DAAM2: variants seen among roughly 807,000 people sequenced by gnomAD.
DAAM2 encodes the protein dishevelled associated activator of morphogenesis 2, also known as disheveled-associated activator of morphogenesis 2.
In DAAM2, 39 loss-of-function variants were observed where a neutral mutation model predicts 120.7. The ratio of observed to expected loss-of-function variants is 0.32; its 90% confidence interval spans 0.25 to 0.42. The LOEUF (loss-of-function observed/expected upper bound fraction) is 0.42, where lower values mean the gene tolerates loss of function less well. Among genes scored for constraint, DAAM2 ranks in the 10% least tolerant of loss-of-function variants. DAAM2 has a pLI of 1.00. For synonymous variants in DAAM2, 488 were observed against 524.9 expected (o/e 0.93, Z 0.96); for missense variants, 1,283 against 1,401.7 (o/e 0.92, Z 1.35).
chr6:39,828,787 T>C (rs1308535583), intron 1 of DAAM2, among the ~76,000 whole-genome samples: 1 of 151,984 alleles, frequency 6.6e-6, no homozygotes, highest in Non-Finnish European at 1.5e-5. Flanking sequence ...GGTGTTGATC[T>C]CCTGACCTTG....
At chr6:39,887,614 T>A in intron 16 of DAAM2, 22 bp downstream of exon 16, 1 of 1,544,964 alleles carries the variant, frequency 6.5e-7, no homozygotes, top group South Asian at 1.1e-5. Context: ...AGAAGGTGGT[T>A]GAGTTGGATG....
chr6:39,898,089 C>A (rs1006009015), intron 21 of DAAM2, among the ~76,000 whole-genome samples: 10 of 152,146 alleles, frequency 6.6e-5, no homozygotes, highest in African/African-American at 2.2e-4. Context: ...GGGAAGTGAG[C>A]CAGAGATAGA....
At chr6:39,848,866 G>A (rs970146978) in intron 1 of DAAM2, 6 of 152,268 alleles carry the variant, frequency 3.9e-5, no homozygotes, top group Admixed American at 1.3e-4. Context: ...CATACCTAGC[G>A]TCCTTCTGAG....
intron 2 of DAAM2, among the ~76,000 whole-genome samples, chr6:39,859,604 C>A (rs1764132541): frequency 6.6e-6 from 1 of 152,046 alleles, no homozygotes; most frequent in African/African-American, 2.4e-5. Context: ...AAAATGCACA[C>A]CAGATTTTGA....
At chr6:39,851,668 AG>A (rs1352313663) in intron 1 of DAAM2, among the ~76,000 whole-genome samples, 1 of 152,212 alleles carries the variant, frequency 6.6e-6, no homozygotes, top group African/African-American at 2.4e-5. Context: ...CTCAAGTGGT[AG>A]GAAGTCCTTC....
chr6:39,827,744 T>C (rs1762727299), intron 1 of DAAM2, among the ~76,000 whole-genome samples: 1 of 152,188 alleles, frequency 6.6e-6, no homozygotes. Flanking sequence ...ATGAACTCTC[T>C]TAATGGACCA....
In DAAM2 at chr6:39,901,614, G is replaced by A. The variant is rs184851760; in HGVS notation, c.2982+142G>A. On this transcript the variant is annotated intron_variant, in intron 24 of 24. Coordinates refer to ENST00000274867, the MANE Select transcript of DAAM2 (RefSeq NM_001201427.2). This position sits in a 1 kb window ranked among gnomAD's most constrained non-coding sequence, Gnocchi z 4.5. Reference sequence around the variant, plus strand: ...GGGGTTGGATGTCAGCCCCAGGAGAGAGAAACTTCTTCCCAGCCTGAGGGA... The same window carrying A: ...GGGGTTGGATGTCAGCCCCAGGAGAAAGAAACTTCTTCCCAGCCTGAGGGA... 2 of 1,089,580 alleles carry A rather than the reference G, an allele frequency of 1.8e-6. No homozygotes were observed. The highest frequency in any genetic ancestry group is 1.6e-5 in the South Asian group (1 of 61,122). 67.5% of individuals were successfully genotyped at this position (1,089,580 alleles called of 1,614,324 possible). A position where few individuals can be genotyped will look rare whatever the true frequency, so the allele number is the denominator to read the frequency against.
intron 16 of DAAM2, 153 bp downstream of exon 16, chr6:39,887,745 C>A (rs867837062): frequency 1.7e-6 from 1 of 594,654 alleles, no homozygotes; most frequent in Non-Finnish European, 3.0e-6. Context: ...CTGCCTTGAG[C>A]AGCAGTTTGG....
chr6:39,903,387 C>A lies in DAAM2; in HGVS notation c.*1350C>A, dbSNP rs993713882. ...TACCCAATTTGGTTCTTCAGCCCAACTTGCAAGGGGTTCCTTCTGGTCCTC... is the reference window on the plus strand; with the variant it reads ...TACCCAATTTGGTTCTTCAGCCCAAATTGCAAGGGGTTCCTTCTGGTCCTC... On this transcript the variant is annotated 3_prime_UTR_variant, in exon 25 of 25. Coordinates refer to ENST00000274867, the MANE Select transcript of DAAM2 (RefSeq NM_001201427.2). 6.6e-6 allele frequency: 1 copy of A among 152,308 alleles called. No homozygotes were observed. Among genetic ancestry groups the A allele is most frequent in the Non-Finnish European group, 1.5e-5 (1 of 68,070 alleles). The allele number at this position is 152,308 out of a possible 1,614,324, so 9.4% of individuals were successfully genotyped here.
intron 21 of DAAM2, 106 bp downstream of exon 21, chr6:39,897,388 C>A (rs2149373558): frequency 1.4e-6 from 1 of 711,954 alleles, no homozygotes; most frequent in Non-Finnish European, 2.4e-6. Context: ...TGGTGTGAGA[C>A]CTCGGTTCTT....
rs141347567 is a variant in DAAM2, at chr6:39,800,743, G to A, written c.-57+8278G>A. ...GCTGTGACTACCTGGCCCCTCTGCC[G>A]CAATGTGGGACAATTCTAACGGGCG... On this transcript the variant is annotated intron_variant, in intron 1 of 24. Coordinates refer to ENST00000274867, the MANE Select transcript of DAAM2 (RefSeq NM_001201427.2). Among the ~76,000 whole-genome samples the A allele has an allele frequency of 2.6e-3, 393 of 152,328 alleles. 3 individuals are homozygous for A. The highest frequency in any genetic ancestry group is 9.1e-3 in the African/African-American group (380 of 41,574).
At chr6:39,864,637 C>T (rs1210784164) in intron 4 of DAAM2, 130 bp downstream of exon 4, 1 of 716,980 alleles carries the variant, frequency 1.4e-6, no homozygotes, top group Non-Finnish European at 2.3e-6. Flanking sequence ...TGCCCACTCA[C>T]TGGAGTTCAG....
In DAAM2 at chr6:39,870,406, G is replaced by GAC. The variant is rs1178432494; in HGVS notation, c.942_943dup (p.Lys315ThrfsTer15). The GAC allele has an allele frequency of 6.3e-7, 1 of 1,585,836 alleles. No homozygotes were observed. The highest frequency in any genetic ancestry group is 8.6e-7 in the Non-Finnish European group (1 of 1,164,868). On this transcript the variant is annotated frameshift_variant, in exon 8 of 25. Coordinates refer to ENST00000274867, the MANE Select transcript of DAAM2 (RefSeq NM_001201427.2). LOFTEE classifies it high-confidence loss of function. Reference sequence around the variant, plus strand: ...GATGCTGGGTATACAGCCTGTGATTGACAAGCTCCGGCAACATGAAAATGC... The same window carrying GAC: ...GATGCTGGGTATACAGCCTGTGATTGACACAAGCTCCGGCAACATGAAAATGC...
At chr6:39,811,373 T>G (rs1437646324) in intron 1 of DAAM2, among the ~76,000 whole-genome samples, 1 of 152,152 alleles carries the variant, frequency 6.6e-6, no homozygotes. Flanking sequence ...CCCTTATTGT[T>G]GTAACTAGAG....
chr6:39,881,905 A>T (rs926992789), intron 14 of DAAM2: 8 of 151,258 alleles, frequency 5.3e-5, no homozygotes, highest in African/African-American at 1.9e-4. Context: ...AATCATGGAG[A>T]CTCAGTTTCC....
chr6:39,871,485 C>G (rs1203116381), intron 8 of DAAM2, 21 bp from the exon 9 acceptor site: 23 of 1,548,194 alleles, frequency 1.5e-5, no homozygotes, highest in Non-Finnish European at 2.0e-5. Flanking sequence ...TCTACTCTCT[C>G]TGTCTCCCCA....
intron 1 of DAAM2, among the ~76,000 whole-genome samples, chr6:39,798,997 A>T (rs1761783246): frequency 6.6e-6 from 1 of 152,204 alleles, no homozygotes; most frequent in Non-Finnish European, 1.5e-5. Context: ...CATATCAACT[A>T]GGCCCTTAAT....
chr6:39,897,472 G>T lies in DAAM2; in HGVS notation c.2618+190G>T, dbSNP rs1766177807. ...TAGCATAGAACAATGTATTGCAAAA[G>T]AAGATATCTTGTGAGTTAGGTGCAG... On this transcript the variant is annotated intron_variant, in intron 21 of 24. Transcript: ENST00000274867. 9.6e-6 allele frequency: 5 copies of T among 520,248 alleles called. No homozygotes were observed. In the East Asian group the frequency reaches 1.7e-4, roughly 17 times the overall value. 32.2% of individuals were successfully genotyped at this position (520,248 alleles called of 1,614,324 possible). A position where few individuals can be genotyped will look rare whatever the true frequency, so the allele number is the denominator to read the frequency against.
intron 1 of DAAM2, among the ~76,000 whole-genome samples, chr6:39,853,155 G>A (rs1404052821): frequency 2.0e-5 from 3 of 152,216 alleles, no homozygotes; most frequent in African/African-American, 4.8e-5. Flanking sequence ...TGTGACCTCA[G>A]ATAAGACAGT....
Sources: gnomAD v4.1 joint callset for allele counts (sites outside exome capture counted in the v4.1 genomes callset) on GRCh38, gnomAD v4.1.1 for gene constraint, Gnocchi (gnomAD v3.1) non-coding constraint, MANE v1.5 for transcripts, NCBI Gene and HGNC (gene_info 2026-07-23, HGNC 2026-07-21) for gene names.